Variants in TIPARP observed in about 807,000 individuals in gnomAD.
The protein encoded by TIPARP is protein mono-ADP-ribosyltransferase TIPARP.
TIPARP carries 12 observed loss-of-function variants against 56.5 expected under a neutral mutation model. The observed-to-expected ratio is 0.21, with a 90% CI of 0.14 to 0.34. TIPARP has a LOEUF of 0.34. TIPARP is among the 10% of genes least tolerant of loss of function. The pLI, the probability that TIPARP is intolerant of heterozygous loss-of-function variation, is 1.00. For missense variants in TIPARP, 604 were observed against 781.6 expected, an observed-to-expected ratio of 0.77 and a Z score of 2.71; for synonymous variants, 296 against 265.7, an observed-to-expected ratio of 1.11 and a Z score of -1.11.
intron 2 of TIPARP, among the ~76,000 whole-genome samples, chr3:156,693,210 A>T (rs960431131): frequency 6.6e-6 from 1 of 152,312 alleles, no homozygotes; most frequent in African/African-American, 2.4e-5. Context: ...AGTTATTTGA[A>T]ATAATGGTTC....
chr3:156,691,660 G>T (rs1577038521), intron 2 of TIPARP, among the ~76,000 whole-genome samples: 1 of 152,058 alleles, frequency 6.6e-6, no homozygotes, highest in Non-Finnish European at 1.5e-5. Flanking sequence ...AGATTGTGGA[G>T]AAAAAAACCT....
At chr3:156,683,077 C>T (rs1437725156) in intron 2 of TIPARP, among the ~76,000 whole-genome samples, 1 of 152,082 alleles carries the variant, frequency 6.6e-6, no homozygotes, top group Non-Finnish European at 1.5e-5. Context: ...GCAGATTAGA[C>T]TTTTTGAAGC....
In TIPARP at chr3:156,696,027, TAA is replaced by T; in HGVS notation, c.1247+3_1247+4del. The T allele has an allele frequency of 6.2e-7, 1 of 1,605,304 alleles. No homozygotes were observed. The highest frequency in any genetic ancestry group is 8.5e-7 in the Non-Finnish European group (1 of 1,177,458). On this transcript the variant is annotated splice_donor_region_variant and intron_variant, in intron 4 of 5. Transcript: ENST00000295924. ...TTTTATACTGCTTCCATATTTACAGTAAGTGTCGAGTATGAAGTTGCAATATT... is the reference window on the plus strand; with the variant it reads ...TTTTATACTGCTTCCATATTTACAGTGTGTCGAGTATGAAGTTGCAATATT...
At chr3:156,694,250 C>CT in intron 3 of TIPARP, 62 bp downstream of exon 3, 2 of 1,433,550 alleles carry the variant, frequency 1.4e-6, no homozygotes, top group Non-Finnish European at 1.9e-6. Context: ...TTCCTGTATT[C>CT]TTTTATTCTT....
intron 4 of TIPARP, among the ~76,000 whole-genome samples, chr3:156,701,525 G>T (rs1280620396): frequency 6.6e-6 from 1 of 152,154 alleles, no homozygotes; most frequent in Non-Finnish European, 1.5e-5. Flanking sequence ...ATAGAGGGAG[G>T]AGCTATTAAA....
At position 156,695,972 on chromosome 3, in the gene TIPARP, G is replaced by C. The variant is rs746549290; in HGVS notation, c.1194G>C (p.Glu398Asp). ...YILHNSFFRR[E>D]IKRRPLFRSC... ...TCCACAATTCATTCTTCAGGAGAGA[G>C]ATAAAAAGGAGACCCCTCTTCCGCT... Residue 398 changes from glutamate (E) to aspartate (D), a missense_variant, in exon 4 of 6, where the codon GAG (glutamate) becomes GAC (aspartate). Glu to Asp is a conservative substitution (Grantham distance 45, BLOSUM62 2). This residue lies in a region of TIPARP where 252 missense variants were observed against 303.9 expected (regional missense o/e 0.83). Coordinates refer to ENST00000295924, the MANE Select transcript of TIPARP (RefSeq NM_015508.5). 10 of 1,612,096 alleles carry C rather than the reference G, an allele frequency of 6.2e-6. No homozygotes were observed. Among genetic ancestry groups the C allele is most frequent in the Non-Finnish European group, 7.6e-6 (9 of 1,179,398 alleles).
At position 156,704,677 on chromosome 3, in the gene TIPARP, C is replaced by G. The variant is rs1332852798; in HGVS notation, c.1527-7C>G. 13 of 1,606,182 alleles carry G rather than the reference C, an allele frequency of 8.1e-6. No individual in the cohort carries two copies. In the South Asian group the frequency reaches 1.4e-4, roughly 18 times the overall value. On this transcript the variant is annotated splice_region_variant and splice_polypyrimidine_tract_variant and intron_variant, in intron 5 of 5. Coordinates refer to ENST00000295924, the MANE Select transcript of TIPARP (RefSeq NM_015508.5). Reference sequence around the variant, plus strand: ...CTTCTGAATTCTCTGTCTGTTCTTTCCATTAGGAAAAAGGAATATATGAAC... The same window carrying G: ...CTTCTGAATTCTCTGTCTGTTCTTTGCATTAGGAAAAAGGAATATATGAAC...
chr3:156,675,595 T>G (rs898548871), intron 1 of TIPARP: 112 of 152,294 alleles, frequency 7.4e-4, no homozygotes, highest in African/African-American at 2.6e-3. Context: ...TCAGCTGCAC[T>G]GCGCGGAGTT....
At position 156,677,994 on chromosome 3, in the gene TIPARP, A is replaced by G. The variant is rs200519872; in HGVS notation, c.297A>G (p.Ser99=). ...AGAAAGCCATGGAAATCAATTCATC[A>G]TGCCCACCAGCAGAAAATAATATGT... is the stretch of plus-strand genomic sequence containing the variant. ...MMKKAMEINS[S]CPPAENNMSV... is the part of the protein sequence containing the mutation. The change falls in exon 2 of 6, where the codon TCA becomes TCG. Residue 99 remains serine, a synonymous_variant. Transcript: ENST00000295924. 1.9e-5 allele frequency: 31 copies of G among 1,614,058 alleles called. No individual in the cohort carries two copies. The highest frequency in any genetic ancestry group is 2.4e-5 in the Non-Finnish European group (28 of 1,180,048).
chr3:156,678,097 G>C lies in TIPARP; in HGVS notation c.400G>C (p.Val134Leu). ...TCCTTCCACTGAAGCTCCAGAACGAGTGGTTCCAATCCAAGATCACAGCTT... is the reference window on the plus strand; with the variant it reads ...TCCTTCCACTGAAGCTCCAGAACGACTGGTTCCAATCCAAGATCACAGCTT... Reference protein sequence around the residue: ...AHPSTEAPERVVPIQDHSFPS... With the variant: ...AHPSTEAPERLVPIQDHSFPS... The change falls in exon 2 of 6, where the codon GTG becomes CTG. Residue 134 changes from valine to leucine, a missense_variant. Around this residue, in one of 4 missense-constraint regions of TIPARP, gnomAD observed 261 missense variants for 279.2 expected, o/e 0.93. Coordinates refer to ENST00000295924, the MANE Select transcript of TIPARP (RefSeq NM_015508.5). 1 of 1,614,134 alleles carries C rather than the reference G, an allele frequency of 6.2e-7. No homozygotes were observed. The highest frequency in any genetic ancestry group is 8.5e-7 in the Non-Finnish European group (1 of 1,180,046).
chr3:156,678,035 A>G lies in TIPARP; in HGVS notation c.338A>G (p.Asp113Gly). 1.2e-6 allele frequency: 2 copies of G among 1,614,112 alleles called. No individual in the cohort carries two copies. The highest frequency in any genetic ancestry group is 1.7e-6 in the Non-Finnish European group (2 of 1,180,034). The change falls in exon 2 of 6, where the codon GAT (aspartate) becomes GGT (glycine). Residue 113 changes from aspartate (D) to glycine (G), a missense_variant. Asp to Gly is a moderately conservative substitution (Grantham distance 94). Coordinates refer to ENST00000295924, the MANE Select transcript of TIPARP (RefSeq NM_015508.5). ...AENNMSVLIP[D>G]RTNVGDQIPE... The stretch of plus-strand genomic sequence containing the variant: ...AATAATATGTCTGTTCTGATTCCTG[A>G]TAGGACAAATGTTGGGGACCAGATA...
chr3:156,694,884 G>A (rs1219806725), intron 3 of TIPARP, among the ~76,000 whole-genome samples: 1 of 152,078 alleles, frequency 6.6e-6, no homozygotes, highest in African/African-American at 2.4e-5. Flanking sequence ...TTACAAAAGG[G>A]GGGAACAACT....
chr3:156,705,252 A>G lies in TIPARP; in HGVS notation c.*121A>G, dbSNP rs973806793. On this transcript the variant is annotated 3_prime_UTR_variant, in exon 6 of 6. Coordinates refer to ENST00000295924, the MANE Select transcript of TIPARP (RefSeq NM_015508.5). ...CATTAATAGGGCACTTTTCAGACCC[A>G]TTTTTTAAAGTGCTAGAAAATGCTT... is the stretch of plus-strand genomic sequence containing the variant. 7.3e-6 allele frequency: 5 copies of G among 682,844 alleles called. No homozygotes were observed. Among genetic ancestry groups the G allele is most frequent in the African/African-American group, 5.4e-5 (3 of 55,714 alleles). 42.3% of individuals were successfully genotyped at this position (682,844 alleles called of 1,614,324 possible). A position where few individuals can be genotyped will look rare whatever the true frequency, so the allele number is the denominator to read the frequency against.
At chr3:156,690,441 GT>G (rs1722540743) in intron 2 of TIPARP, among the ~76,000 whole-genome samples, 2 of 152,156 alleles carry the variant, frequency 1.3e-5, no homozygotes, top group South Asian at 4.1e-4. Context: ...TAATTGGTAT[GT>G]GCAGATATTT....
Position 156,677,763 on chromosome 3 carries a change from C to T in TIPARP, c.66C>T (p.Asp22=), listed in dbSNP as rs764282334. ...CVVQPPSPPD[D]FSCQMRLSEK... is the part of the protein sequence containing the mutation. ...TGCAGCCTCCCTCTCCTCCTGATGA[C>T]TTTTCATGCCAAATGAGACTCTCTG... Residue 22 remains aspartate (D), a synonymous_variant, in exon 2 of 6, where the codon GAC becomes GAT. Transcript: ENST00000295924. 34 of 1,613,794 alleles carry T rather than the reference C, an allele frequency of 2.1e-5. No individual in the cohort carries two copies. Among genetic ancestry groups the T allele is most frequent in the Non-Finnish European group, 2.8e-5 (33 of 1,179,970 alleles).
At chr3:156,696,156 C>A in intron 4 of TIPARP, 131 bp downstream of exon 4, 1 of 945,694 alleles carries the variant, frequency 1.1e-6, no homozygotes, top group Non-Finnish European at 1.5e-6. Flanking sequence ...CCAAATTAGT[C>A]TTTGGATTTT....
At chr3:156,684,511 C>T (rs1577035830) in intron 2 of TIPARP, among the ~76,000 whole-genome samples, 2 of 152,192 alleles carry the variant, frequency 1.3e-5, no homozygotes, top group Admixed American at 6.5e-5. Context: ...TCGGCTCCTG[C>T]AACCTCCGCC....
At chr3:156,704,663 T>A (rs764812826) in intron 5 of TIPARP, 21 bp from the exon 6 acceptor site, 1 of 1,594,414 alleles carries the variant, frequency 6.3e-7, no homozygotes, top group Non-Finnish European at 8.5e-7. Flanking sequence ...TTCTGAATTC[T>A]CTGTCTGTTC....
intron 5 of TIPARP, 47 bp from the exon 6 acceptor site, chr3:156,704,637 G>T: frequency 6.4e-7 from 1 of 1,558,026 alleles, no homozygotes; most frequent in South Asian, 1.2e-5. Context: ...CTGTTAAATT[G>T]ACCTGTATTT....
Sources: allele counts gnomAD v4.1 joint callset (sites outside exome capture counted in the v4.1 genomes callset), GRCh38; gene constraint gnomAD v4.1.1; regional missense constraint gnomAD v4.1.1; transcripts MANE v1.5; gene names NCBI Gene and HGNC (gene_info 2026-07-23, HGNC 2026-07-21).